Variants in F13A1 observed in about 807,000 individuals in gnomAD.
F13A1 encodes coagulation factor XIII A chain, also known as FSF, A subunit.
F13A1 carries 47 observed loss-of-function variants against 80.1 expected under a neutral mutation model. That is an observed-to-expected ratio of 0.59 (90% CI 0.46 to 0.75). The LOEUF is 0.75. F13A1 is among the 30% of genes least tolerant of loss of function. The pLI, the probability that F13A1 is intolerant of heterozygous loss-of-function variation, is 0.00. For synonymous variants in F13A1, 349 were observed against 344.9 expected (o/e 1.01, Z -0.13); for missense variants, 817 against 930.4 (o/e 0.88, Z 1.59).
At position 6,316,113 on chromosome 6, in the gene F13A1, A is replaced by G. The variant is rs1184909702; in HGVS notation, c.130+2422T>C. Among the ~76,000 whole-genome samples the G allele has an allele frequency of 5.1e-4, 28 of 55,020 alleles. 3 individuals are homozygous for G. In the South Asian group the frequency reaches 6.2e-3, roughly 12 times the overall value. 36.1% of individuals were successfully genotyped at this position (55,020 alleles called of 152,430 possible). A position where few individuals can be genotyped will look rare whatever the true frequency, so the allele number is the denominator to read the frequency against. On this transcript the variant is annotated intron_variant, in intron 2 of 14. Transcript: ENST00000264870. ...TATATATATATATATATATATATATATATATATATATATATATATATATAT... is the reference window on the plus strand; with the variant it reads ...TATATATATATATATATATATATATGTATATATATATATATATATATATAT...
At chr6:6,263,399 G>A (rs189766478) in intron 4 of F13A1, among the ~76,000 whole-genome samples, 1 of 152,148 alleles carries the variant, frequency 6.6e-6, no homozygotes, top group Non-Finnish European at 1.5e-5. Context: ...AGAGTTGACT[G>A]CTGTCTTGAA....
At chr6:6,210,860 C>T (rs1009547260) in intron 8 of F13A1, among the ~76,000 whole-genome samples, 7 of 152,118 alleles carry the variant, frequency 4.6e-5, no homozygotes, top group African/African-American at 7.2e-5. Flanking sequence ...TCCCAAGTAG[C>T]GGGGATTACA....
intron 2 of F13A1, among the ~76,000 whole-genome samples, chr6:6,308,403 C>A (rs1390137561): frequency 6.6e-6 from 1 of 150,404 alleles, no homozygotes; most frequent in Non-Finnish European, 1.5e-5. Flanking sequence ...TTGTCAATTT[C>A]TCTTTTGAAG....
chr6:6,200,947 T>C (rs1761381356), intron 8 of F13A1, among the ~76,000 whole-genome samples: 1 of 152,134 alleles, frequency 6.6e-6, no homozygotes, highest in African/African-American at 2.4e-5. Context: ...ATGACTCTGC[T>C]AGCCTCTCTC....
At chr6:6,207,260 C>T (rs145230289) in intron 8 of F13A1, among the ~76,000 whole-genome samples, 6 of 152,222 alleles carry the variant, frequency 3.9e-5, no homozygotes, top group African/African-American at 7.2e-5. Context: ...TTGAACACTC[C>T]GAAAGCTCTT....
At chr6:6,148,047 C>T (rs924147961) in intron 14 of F13A1, among the ~76,000 whole-genome samples, 5 of 152,158 alleles carry the variant, frequency 3.3e-5, no homozygotes, top group Non-Finnish European at 5.9e-5. Flanking sequence ...TAGACCTTAG[C>T]TTCTGTCCTA....
At chr6:6,190,729 C>T (rs1761173517) in intron 10 of F13A1, among the ~76,000 whole-genome samples, 2 of 152,032 alleles carry the variant, frequency 1.3e-5, no homozygotes, top group African/African-American at 4.8e-5. Flanking sequence ...AGGCAGGCCT[C>T]CTTGAGCTGT....
Position 6,271,552 on chromosome 6 carries a change from C to T in F13A1, c.320-4743G>A, listed in dbSNP as rs76468830. Among the ~76,000 whole-genome samples the T allele has an allele frequency of 2.1e-3, 314 of 152,308 alleles. 3 individuals carry two copies. The highest frequency in any genetic ancestry group is 7.2e-3 in the African/African-American group (298 of 41,570). ...AAATCATGCAACTTTGCGTTAAAAA[C>T]ATCAGGGCAAGAAAAAGACATCGGG... On this transcript the variant is annotated intron_variant, in intron 3 of 14. Coordinates refer to ENST00000264870, the MANE Select transcript of F13A1 (RefSeq NM_000129.4).
chr6:6,161,590 C>T (rs903610893), intron 13 of F13A1, among the ~76,000 whole-genome samples: 3 of 150,156 alleles, frequency 2.0e-5, no homozygotes, highest in Admixed American at 1.3e-4. Flanking sequence ...ACAAGCAACA[C>T]ATGGGAAGGC....
chr6:6,155,587 G>A (rs1296404114), intron 13 of F13A1, among the ~76,000 whole-genome samples: 1 of 151,878 alleles, frequency 6.6e-6, no homozygotes, highest in Non-Finnish European at 1.5e-5. Context: ...CCTGACTACT[G>A]ATGATAATGA....
chr6:6,308,294 A>G (rs1250698105), intron 2 of F13A1, among the ~76,000 whole-genome samples: 1 of 152,136 alleles, frequency 6.6e-6, no homozygotes, highest in Non-Finnish European at 1.5e-5. Context: ...AAGTGCTAAG[A>G]TTATAGGCGT....
chr6:6,275,313 TGAAA>T (rs755848983), intron 3 of F13A1, among the ~76,000 whole-genome samples: 2 of 152,104 alleles, frequency 1.3e-5, no homozygotes, highest in Non-Finnish European at 2.9e-5. Context: ...TGTTCATTCT[TGAAA>T]GAGTTTTTCA....
rs377484555 is a variant in F13A1, at chr6:6,145,707, C to T, written c.2111G>A (p.Arg704Gln). ...ACTGCTCATGCTGGCTATCAGCTTC[C>T]GATGCCCAGAGACCCAGGGCCGGCA... ...EVCRPWVSGH[R>Q]KLIASMSSDS... Residue 704 changes from arginine (R) to glutamine (Q), a missense_variant, in exon 15 of 15, where the codon CGG (arginine) becomes CAG (glutamine). By Grantham distance (43) the Arg-to-Gln change is conservative (BLOSUM62 1). Transcript: ENST00000264870. 20 of 1,614,024 alleles carry T rather than the reference C, an allele frequency of 1.2e-5. No homozygotes were observed. Among genetic ancestry groups the T allele is most frequent in the Middle Eastern group, 3.3e-4 (2 of 6,084 alleles).
chr6:6,227,073 T>C (rs1434369766), intron 6 of F13A1, among the ~76,000 whole-genome samples: 2 of 152,210 alleles, frequency 1.3e-5, no homozygotes, highest in African/African-American at 4.8e-5. Context: ...ATGGGTATTA[T>C]GTAAGTAGGC....
chr6:6,204,518 G>A (rs935818291), intron 8 of F13A1, among the ~76,000 whole-genome samples: 8 of 152,178 alleles, frequency 5.3e-5, no homozygotes, highest in South Asian at 2.1e-4. Context: ...AATACATTCC[G>A]AATACAGACA....
chr6:6,313,295 T>C (rs2113198844), intron 2 of F13A1, among the ~76,000 whole-genome samples: 1 of 151,694 alleles, frequency 6.6e-6, no homozygotes, highest in Admixed American at 6.6e-5. Context: ...TTTTTTTTTT[T>C]TTTTTAAATA....
intron 2 of F13A1, among the ~76,000 whole-genome samples, chr6:6,313,084 C>T (rs1373649174): frequency 1.3e-5 from 2 of 152,122 alleles, no homozygotes; most frequent in Non-Finnish European, 2.9e-5. Flanking sequence ...ATGTCCCTTG[C>T]CATGGAGTGT....
intron 13 of F13A1, among the ~76,000 whole-genome samples, chr6:6,160,794 C>T (rs1760559829): frequency 6.6e-6 from 1 of 150,506 alleles, no homozygotes; most frequent in Non-Finnish European, 1.5e-5. Flanking sequence ...AAAATAAATA[C>T]AGAGCAAACG....
chr6:6,294,567 T>C (rs75709918), intron 3 of F13A1, among the ~76,000 whole-genome samples: 8,344 of 151,618 alleles, frequency 0.055, 589 homozygotes, highest in African/African-American at 0.16. Flanking sequence ...CACACGTATA[T>C]GTACAAACAC....
Sources: allele counts gnomAD v4.1 joint callset (sites outside exome capture counted in the v4.1 genomes callset), GRCh38; gene constraint gnomAD v4.1.1; transcripts MANE v1.5; gene names NCBI Gene and HGNC (gene_info 2026-07-23, HGNC 2026-07-21).